The following RELL1 variants were observed in gnomAD, a reference collection of about 807,000 sequenced individuals.
The protein encoded by RELL1 is RELT-like protein 1.
RELL1 carries 10 observed loss-of-function variants against 23.0 expected under a neutral mutation model. The observed-to-expected ratio is 0.43, with a 90% CI of 0.27 to 0.74. RELL1 has a LOEUF of 0.74. Among genes scored for constraint, RELL1 ranks in the 30% least tolerant of loss-of-function variants. RELL1 has a pLI of 0.19. For synonymous variants in RELL1, 146 were observed against 146.8 expected, an observed-to-expected ratio of 0.99 and a Z score of 0.04; for missense variants, 315 against 364.4, an observed-to-expected ratio of 0.86 and a Z score of 1.10.
At chr4:37,671,357 A>C (rs1307764267) in intron 1 of RELL1, among the ~76,000 whole-genome samples, 1 of 152,256 alleles carries the variant, frequency 6.6e-6, no homozygotes, top group Non-Finnish European at 1.5e-5. Context: ...TCTAAGTCAC[A>C]GGATGAGATA....
chr4:37,609,742 G>T (rs1455070469), downstream of RELL1, among the ~76,000 whole-genome samples: 1 of 152,176 alleles, frequency 6.6e-6, no homozygotes, highest in African/African-American at 2.4e-5. Context: ...CTGCAGATGT[G>T]GTGGAAACAG....
downstream of RELL1, among the ~76,000 whole-genome samples, chr4:37,607,192 C>T (rs2109223096): frequency 6.6e-6 from 1 of 152,316 alleles, no homozygotes; most frequent in Admixed American, 6.5e-5. Flanking sequence ...CAACTAAATG[C>T]AGTGGGTGAT....
intron 1 of RELL1, among the ~76,000 whole-genome samples, chr4:37,683,287 A>G (rs920767897): frequency 1.3e-5 from 2 of 152,248 alleles, no homozygotes; most frequent in Non-Finnish European, 2.9e-5. Flanking sequence ...GGGTTATCCC[A>G]GATAAAGATA....
intron 6 of RELL1, among the ~76,000 whole-genome samples, chr4:37,615,096 A>C (rs1719533337): frequency 6.6e-6 from 1 of 152,184 alleles, no homozygotes; most frequent in Non-Finnish European, 1.5e-5. Context: ...GATCCTATGC[A>C]CAACGCTTAA....
At chr4:37,665,666 G>GA (rs537230519) in intron 1 of RELL1, among the ~76,000 whole-genome samples, 18 of 152,134 alleles carry the variant, frequency 1.2e-4, no homozygotes, top group Non-Finnish European at 2.4e-4. Flanking sequence ...GCAAGGGCCA[G>GA]AAAAAAACCA....
Position 37,612,416 on chromosome 4 carries a change from G to A in RELL1, c.*930C>T, listed in dbSNP as rs111812002. On this transcript the variant is annotated 3_prime_UTR_variant, in exon 7 of 7. Transcript: ENST00000454158. Reference sequence around the variant, plus strand: ...TTTGGGAGGCCGAGGCGGGTAGATCGCCTGAGGTCAGGAGTTCAAGACCAG... The same window carrying A: ...TTTGGGAGGCCGAGGCGGGTAGATCACCTGAGGTCAGGAGTTCAAGACCAG... 5.7e-3 allele frequency among the ~76,000 whole-genome samples: 864 copies of A among 151,036 alleles called. 5 individuals carry two copies. Among genetic ancestry groups the A allele is most frequent in the African/African-American group, 0.02 (828 of 41,098 alleles).
intron 1 of RELL1, among the ~76,000 whole-genome samples, chr4:37,672,181 T>C (rs1170286125): frequency 1.3e-5 from 2 of 152,122 alleles, no homozygotes; most frequent in African/African-American, 4.8e-5. Context: ...CCCCTTTCCC[T>C]TCCCAGAGAT....
At chr4:37,637,199 T>C (rs773673378) in intron 4 of RELL1, among the ~76,000 whole-genome samples, 3 of 152,182 alleles carry the variant, frequency 2.0e-5, no homozygotes, top group Non-Finnish European at 4.4e-5. Context: ...AGGACTGGAA[T>C]GTGGGAGAAA....
At chr4:37,686,059 A>G in intron 1 of RELL1, 141 bp downstream of exon 1, 1 of 696,320 alleles carries the variant, frequency 1.4e-6, no homozygotes, top group Non-Finnish European at 2.3e-6. Context: ...GCCGCGGGAC[A>G]GCCAGTTGTT....
intron 1 of RELL1, among the ~76,000 whole-genome samples, chr4:37,666,391 G>A (rs1426043757): frequency 6.6e-6 from 1 of 152,196 alleles, no homozygotes; most frequent in Non-Finnish European, 1.5e-5. Flanking sequence ...TTTCCTAGCT[G>A]TGAAGCCCCA....
chr4:37,589,315 A>C (rs1340232061), downstream of RELL1, among the ~76,000 whole-genome samples: 1 of 152,242 alleles, frequency 6.6e-6, no homozygotes, highest in Admixed American at 6.5e-5. Flanking sequence ...CTTAACAAAT[A>C]TACTGTCTTT....
chr4:37,670,210 GTTTT>G (rs11379218), intron 1 of RELL1, among the ~76,000 whole-genome samples: 1 of 147,568 alleles, frequency 6.8e-6, no homozygotes, highest in African/African-American at 2.5e-5. Context: ...ATAATCGATA[GTTTT>G]TTTTTTTAAC....
chr4:37,620,943 C>T lies in RELL1; in HGVS notation c.*4-7601G>A, dbSNP rs80334001. Among the ~76,000 whole-genome samples, 748 of 152,296 alleles carry T rather than the reference C, an allele frequency of 4.9e-3. 13 individuals carry two copies. Among genetic ancestry groups the T allele is most frequent in the South Asian group, 0.02 (96 of 4,826 alleles). ...AGTAGTAGTAGTATTATTATCCCCA[C>T]TTAACAGATGGAGAAGCTGGGGCAT... On this transcript the variant is annotated intron_variant, in intron 6 of 6. Transcript: ENST00000454158.
chr4:37,637,390 T>C (rs1720369252), intron 4 of RELL1, among the ~76,000 whole-genome samples: 1 of 152,260 alleles, frequency 6.6e-6, no homozygotes, highest in African/African-American at 2.4e-5. Context: ...CCCTTTGCCA[T>C]GTCAGTTGGC....
chr4:37,653,465 T>C (rs1721022281), intron 1 of RELL1, among the ~76,000 whole-genome samples: 2 of 152,038 alleles, frequency 1.3e-5, no homozygotes, highest in African/African-American at 4.8e-5. Context: ...GTATTGAGTA[T>C]TGAAACCCTC....
rs768766041 is a variant in RELL1, at chr4:37,649,401, A to G, written c.188T>C (p.Leu63Pro). The G allele has an allele frequency of 6.2e-7, 1 of 1,614,278 alleles. No individual in the cohort carries two copies. The highest frequency in any genetic ancestry group is 1.3e-5 in the African/African-American group (1 of 75,072). The change falls in exon 2 of 7, where the codon CTT becomes CCT. Residue 63 changes from leucine (L) to proline (P), a missense_variant. By Grantham distance (98) the Leu-to-Pro change is moderately conservative. Transcript: ENST00000454158. ...NGHPEYIAYA[L>P]VPVFFIMGLF... ...ACCCATGATAAAGAACACAGGGACA[A>G]GCGCGTATGCAATATATTCTGGGTG... is the stretch of plus-strand genomic sequence containing the variant.
intron 1 of RELL1, among the ~76,000 whole-genome samples, chr4:37,667,587 G>A (rs1054461032): frequency 6.6e-6 from 1 of 150,660 alleles, no homozygotes; most frequent in African/African-American, 2.4e-5. Flanking sequence ...TCACGTAGTA[G>A]AGTTAGAGAA....
intron 4 of RELL1, among the ~76,000 whole-genome samples, chr4:37,636,280 G>A (rs980777781): frequency 6.6e-6 from 1 of 152,034 alleles, no homozygotes; most frequent in African/African-American, 2.4e-5. Context: ...AATATATTTG[G>A]CTAGACCATC....
intron 6 of RELL1, among the ~76,000 whole-genome samples, chr4:37,601,209 G>A (rs927775428): frequency 6.6e-6 from 1 of 152,132 alleles, no homozygotes; most frequent in East Asian, 1.9e-4. Flanking sequence ...GCCCACCTTC[G>A]AATGTTATAA....
Sources: gnomAD v4.1 joint callset for allele counts (sites outside exome capture counted in the v4.1 genomes callset) on GRCh38, gnomAD v4.1.1 for gene constraint, MANE v1.5 for transcripts, NCBI Gene and HGNC (gene_info 2026-07-23, HGNC 2026-07-21) for gene names.